Variants in NCLN observed in about 807,000 individuals in gnomAD.
NCLN encodes BOS complex subunit NCLN.
Under a neutral mutation model 69.5 loss-of-function variants are expected in NCLN, and 34 were observed. That is an observed-to-expected ratio of 0.49 (90% CI 0.37 to 0.65). NCLN has a LOEUF of 0.65. NCLN is among the 30% of genes least tolerant of loss of function. The probability of loss-of-function intolerance (pLI) is 0.00; values close to 1 mark genes in which losing one functional copy is unlikely to be tolerated. For synonymous variants in NCLN, 393 were observed against 358.3 expected, an observed-to-expected ratio of 1.10 and a Z score of -1.09; for missense variants, 710 against 804.8, an observed-to-expected ratio of 0.88 and a Z score of 1.42.
rs748895461 is a variant in NCLN, at chr19:3,186,008, G to A, written c.-23G>A. On this transcript the variant is annotated 5_prime_UTR_variant, in exon 1 of 15. Coordinates refer to ENST00000246117, the MANE Select transcript of NCLN (RefSeq NM_020170.4). The stretch of plus-strand genomic sequence containing the variant: ...GCCGTCCCGTCCCAGCTGCCGCCCC[G>A]CGCGGCCCCGCCGCCGGCCAGGATG... 3.3e-6 allele frequency: 5 copies of A among 1,516,670 alleles called. No homozygotes were observed. The highest frequency in any genetic ancestry group is 4.4e-6 in the Non-Finnish European group (5 of 1,136,774). The allele number at this position is 1,516,670 out of a possible 1,614,324, so 94.0% of individuals were successfully genotyped here. A position where few individuals can be genotyped will look rare whatever the true frequency, so the allele number is the denominator to read the frequency against.
intron 3 of NCLN, among the ~76,000 whole-genome samples, chr19:3,194,012 C>T (rs968003002): frequency 6.6e-6 from 1 of 152,194 alleles, no homozygotes; most frequent in African/African-American, 2.4e-5. Context: ...CCGGGGCTGT[C>T]ATCAGCTACT....
intron 9 of NCLN, among the ~76,000 whole-genome samples, chr19:3,205,000 C>T (rs562267899): frequency 2.0e-5 from 3 of 152,350 alleles, no homozygotes; most frequent in South Asian, 4.1e-4. Context: ...CAGACCCCGT[C>T]ACCTGTTGAG....
In NCLN at chr19:3,196,167, C is replaced by A; in HGVS notation, c.521-16C>A. 1 of 1,517,340 alleles carries A rather than the reference C, an allele frequency of 6.6e-7. No individual in the cohort carries two copies. The highest frequency in any genetic ancestry group is 8.9e-7 in the Non-Finnish European group (1 of 1,121,208). 94.0% of individuals were successfully genotyped at this position (1,517,340 alleles called of 1,614,324 possible). On this transcript the variant is annotated splice_polypyrimidine_tract_variant and intron_variant, in intron 3 of 14. Coordinates refer to ENST00000246117, the MANE Select transcript of NCLN (RefSeq NM_020170.4). The stretch of plus-strand genomic sequence containing the variant: ...CTGGCTGGGCCAAGGCTGATGCGCC[C>A]TCTCCCTCTCCCTAGTACTGCTGCG...
At chr19:3,204,545 C>T (rs1916210746) in intron 8 of NCLN, 28 bp from the exon 9 acceptor site, 7 of 1,505,996 alleles carry the variant, frequency 4.6e-6, no homozygotes, top group South Asian at 1.3e-5. Context: ...CCCCGCCTGC[C>T]CTCTGCTAAT....
chr19:3,192,724 G>A, intron 2 of NCLN, 64 bp downstream of exon 2: 1 of 1,424,690 alleles, frequency 7.0e-7, no homozygotes, highest in Non-Finnish European at 9.2e-7. Flanking sequence ...GGAGGCAACT[G>A]TGTGACCCTA....
rs765254456 is a variant in NCLN at position 3,186,051 on chromosome 19, G to C, written c.21G>C (p.Glu7Asp). ...CCAGGATGCTGGAGGAAGCGGGCGA[G>C]GTGCTGGAGAACATGCTGAAGGCGT... MLEEAG[E>D]VLENMLKASC... is the part of the protein sequence containing the mutation. The change falls in exon 1 of 15, where the codon GAG (glutamate) becomes GAC (aspartate). Residue 7 changes from glutamate (E) to aspartate (D), a missense_variant. Transcript: ENST00000246117. 9 of 1,581,146 alleles carry C rather than the reference G, an allele frequency of 5.7e-6. No homozygotes were observed. In the South Asian group the frequency reaches 1.0e-4, roughly 18 times the overall value.
At chr19:3,190,213 G>A (rs1213082134) in intron 1 of NCLN, among the ~76,000 whole-genome samples, 1 of 152,196 alleles carries the variant, frequency 6.6e-6, no homozygotes, top group African/African-American at 2.4e-5. Flanking sequence ...TGTCCCTGAG[G>A]GGCCTCCCAA....
intron 8 of NCLN, 130 bp from the exon 9 acceptor site, chr19:3,204,443 C>G: frequency 9.4e-7 from 1 of 1,067,512 alleles, no homozygotes. Flanking sequence ...TAGGGGGACC[C>G]CGGGGGCAGG....
chr19:3,205,888 C>A lies in NCLN; in HGVS notation c.1209-51C>A. On this transcript the variant is annotated intron_variant, in intron 9 of 14. Transcript: ENST00000246117. This position sits in a 1 kb window ranked among gnomAD's most constrained non-coding sequence, Gnocchi z 4.6. ...CTGGGATTACAAGTGTGAGAGCTAC[C>A]TTGCCTGGCCCAAAGTCCACATTTT... 1 of 1,570,092 alleles carries A rather than the reference C, an allele frequency of 6.4e-7. No individual in the cohort carries two copies. The highest frequency in any genetic ancestry group is 1.1e-5 in the South Asian group (1 of 90,082).
chr19:3,204,280 C>G, intron 8 of NCLN, 136 bp downstream of exon 8: 2 of 1,123,102 alleles, frequency 1.8e-6, no homozygotes, highest in Non-Finnish European at 2.4e-6. Flanking sequence ...CGGGGTCGGG[C>G]TGGGGTGTTC....
Position 3,205,532 on chromosome 19 carries a change from ACG to A in NCLN, c.1209-406_1209-405del, listed in dbSNP as rs1916242048. Among the ~76,000 whole-genome samples, 1 of 152,210 alleles carries A rather than the reference ACG, an allele frequency of 6.6e-6. No individual in the cohort carries two copies. The highest frequency in any genetic ancestry group is 1.5e-5 in the Non-Finnish European group (1 of 68,028). The stretch of plus-strand genomic sequence containing the variant: ...ATTGCCAGGAAATGAGGGTGGGTGC[ACG>A]GCTGTCCCAGCTGTGCTGAGCTCTC... On this transcript the variant is annotated intron_variant, in intron 9 of 14. Coordinates refer to ENST00000246117, the MANE Select transcript of NCLN (RefSeq NM_020170.4). This position sits in a 1 kb window ranked among gnomAD's most constrained non-coding sequence, Gnocchi z 4.6.
chr19:3,199,102 C>G (rs190977423), intron 5 of NCLN, among the ~76,000 whole-genome samples: 25 of 152,272 alleles, frequency 1.6e-4, no homozygotes, highest in African/African-American at 6.0e-4. Context: ...GCCCCGGGGT[C>G]GCAGGTTCCA....
chr19:3,204,152 C>A lies in NCLN; in HGVS notation c.1029+8C>A, dbSNP rs181824945. On this transcript the variant is annotated splice_region_variant and intron_variant, in intron 8 of 14. Transcript: ENST00000246117. ...CTGCGGGAGCTGGAGACGGTGGGTG[C>A]CCCTTTCATGGATGGGTCCGGAGCT... The A allele has an allele frequency of 4.8e-5, 73 of 1,506,422 alleles. No homozygotes were observed. Among genetic ancestry groups the A allele is most frequent in the Non-Finnish European group, 5.8e-5 (66 of 1,131,274 alleles). The allele number at this position is 1,506,422 out of a possible 1,614,324, so 93.3% of individuals were successfully genotyped here.
chr19:3,195,540 C>T (rs1013261697), intron 3 of NCLN, among the ~76,000 whole-genome samples: 10 of 152,116 alleles, frequency 6.6e-5, no homozygotes, highest in Non-Finnish European at 7.3e-5. Flanking sequence ...TGAGCCACCG[C>T]GCCCGGCCGA....
In NCLN at chr19:3,198,860, T is replaced by C; in HGVS notation, c.659T>C (p.Val220Ala). The C allele has an allele frequency of 2.6e-6, 4 of 1,567,302 alleles. No homozygotes were observed. Among genetic ancestry groups the C allele is most frequent in the Non-Finnish European group, 3.5e-6 (4 of 1,156,948 alleles). Reference sequence around the variant, plus strand: ...GGCGGAGAGGACCTTCCCACCATCGTCATCGTGGCCCACTACGACGCCTTT... The same window carrying C: ...GGCGGAGAGGACCTTCCCACCATCGCCATCGTGGCCCACTACGACGCCTTT... ...GLGGEDLPTIVIVAHYDAFGV... is the reference protein window; with the variant it reads ...GLGGEDLPTIAIVAHYDAFGV... Residue 220 changes from valine to alanine, a missense_variant, in exon 5 of 15, where the codon GTC becomes GCC. By Grantham distance (64) the Val-to-Ala change is moderately conservative (BLOSUM62 0). Transcript: ENST00000246117.
chr19:3,198,526 CAA>C (rs202113257), intron 4 of NCLN, among the ~76,000 whole-genome samples: 2,719 of 147,522 alleles, frequency 0.018, 95 homozygotes, highest in African/African-American at 0.065. Context: ...AAAAAAAACA[CAA>C]ACAAAAAAAA....
At position 3,186,866 on chromosome 19, in the gene NCLN, C is replaced by T. The variant is rs146907964; in HGVS notation, c.184+652C>T. ...TTTGTCCAGTGCCCAAATTCAACTC[C>T]CCTGAATTTTCTCGCTCTAGTCACC... On this transcript the variant is annotated intron_variant, in intron 1 of 14. Transcript: ENST00000246117. 2.7e-3 allele frequency among the ~76,000 whole-genome samples: 408 copies of T among 152,164 alleles called. 1 individual carries two copies. The highest frequency in any genetic ancestry group is 9.3e-3 in the African/African-American group (385 of 41,500).
intron 12 of NCLN, 53 bp downstream of exon 12, chr19:3,206,478 T>A: frequency 1.3e-6 from 2 of 1,500,854 alleles, no homozygotes; most frequent in Admixed American, 4.3e-5. Context: ...GAGGGGGACC[T>A]CCCCCTACTG....
intron 1 of NCLN, among the ~76,000 whole-genome samples, chr19:3,190,324 C>T (rs1293086291): frequency 6.6e-6 from 1 of 152,174 alleles, no homozygotes. Flanking sequence ...CCTGTGGCTC[C>T]TCCATCCCAG....
Sources: allele counts gnomAD v4.1 joint callset (sites outside exome capture counted in the v4.1 genomes callset), GRCh38; gene constraint gnomAD v4.1.1; non-coding constraint Gnocchi (gnomAD v3.1); transcripts MANE v1.5; gene names NCBI Gene and HGNC (gene_info 2026-07-23, HGNC 2026-07-21).